Variants in NCAM2 observed in about 807,000 individuals in gnomAD.
NCAM2 encodes the protein neural cell adhesion molecule 2.
In NCAM2, 30 loss-of-function variants were observed where a neutral mutation model predicts 98.1. That is an observed-to-expected ratio of 0.31 (90% confidence interval 0.23 to 0.41). NCAM2 has a LOEUF of 0.41. Ranked by LOEUF, NCAM2 falls within the 10% of genes least tolerant of loss-of-function variation. The pLI, the probability that NCAM2 is intolerant of heterozygous loss-of-function variation, is 1.00. For missense variants in NCAM2, 867 were observed against 1,005.8 expected, an observed-to-expected ratio of 0.86 and a Z score of 1.87; for synonymous variants, 368 against 342.4, an observed-to-expected ratio of 1.07 and a Z score of -0.83.
At chr21:21,319,037 C>T (rs940033107) in intron 5 of NCAM2, among the ~76,000 whole-genome samples, 1 of 151,888 alleles carries the variant, frequency 6.6e-6, no homozygotes, top group Non-Finnish European at 1.5e-5. Context: ...CTGCTTGAGC[C>T]CAAGAGTTGG....
At chr21:21,514,062 A>G (rs1988557682) in intron 16 of NCAM2, among the ~76,000 whole-genome samples, 1 of 151,804 alleles carries the variant, frequency 6.6e-6, no homozygotes, top group African/African-American at 2.4e-5. Flanking sequence ...TGCTCTACAT[A>G]TATAACCTGG....
intron 1 of NCAM2, among the ~76,000 whole-genome samples, chr21:21,082,120 C>T (rs182619745): frequency 7.5e-4 from 110 of 146,612 alleles, no homozygotes; most frequent in Middle Eastern, 3.6e-3. Context: ...CCCAACTACT[C>T]GGGAGGCTGA....
intron 8 of NCAM2, among the ~76,000 whole-genome samples, chr21:21,371,051 AAT>A (rs2075903667): frequency 6.6e-6 from 1 of 151,848 alleles, no homozygotes; most frequent in African/African-American, 2.4e-5. Context: ...TGCTGGGTGA[AAT>A]GGTAATTATA....
At chr21:21,123,810 A>G (rs2066726560) in intron 1 of NCAM2, among the ~76,000 whole-genome samples, 1 of 150,044 alleles carries the variant, frequency 6.7e-6, no homozygotes, top group South Asian at 2.1e-4. Flanking sequence ...AAGTGGAGGT[A>G]CAGAAAAATA....
intron 1 of NCAM2, among the ~76,000 whole-genome samples, chr21:21,053,056 A>T (rs2146301244): frequency 6.6e-6 from 1 of 152,224 alleles, no homozygotes; most frequent in African/African-American, 2.4e-5. Context: ...CTTATTGAAT[A>T]GTTGAAAAAA....
chr21:21,452,041 T>A (rs1348913476), intron 12 of NCAM2, among the ~76,000 whole-genome samples: 1 of 152,050 alleles, frequency 6.6e-6, no homozygotes, highest in African/African-American at 2.4e-5. Context: ...ATGCTCAGAT[T>A]CTGAATAGCT....
chr21:21,196,115 A>G (rs2068995696), intron 1 of NCAM2, among the ~76,000 whole-genome samples: 1 of 152,184 alleles, frequency 6.6e-6, no homozygotes, highest in African/African-American at 2.4e-5. Context: ...TTAAGGTCCT[A>G]TGGCGTGGTG....
chr21:21,535,900 C>A (rs143234953), intron 17 of NCAM2, among the ~76,000 whole-genome samples: 36 of 152,116 alleles, frequency 2.4e-4, no homozygotes, highest in African/African-American at 8.7e-4. Flanking sequence ...AAATTCTATA[C>A]CCAGAAACAA....
intron 1 of NCAM2, among the ~76,000 whole-genome samples, chr21:21,252,966 C>G (rs2071528372): frequency 6.6e-6 from 1 of 152,112 alleles, no homozygotes; most frequent in South Asian, 2.1e-4. Context: ...TCAAATCTCC[C>G]AGCACTAAAA....
intron 1 of NCAM2, among the ~76,000 whole-genome samples, chr21:21,172,699 G>A (rs1231939152): frequency 6.6e-6 from 1 of 152,066 alleles, no homozygotes; most frequent in Non-Finnish European, 1.5e-5. Context: ...TAGAGCTGCA[G>A]GCGATTCATT....
intron 16 of NCAM2, among the ~76,000 whole-genome samples, chr21:21,533,639 C>CGTT (rs1162058392): frequency 7.5e-6 from 1 of 133,202 alleles, no homozygotes; most frequent in Non-Finnish European, 1.6e-5. Context: ...AGTCCCCAAC[C>CGTT]CTTCTTTAGT....
chr21:21,383,037 G>T (rs2076193035), intron 9 of NCAM2, among the ~76,000 whole-genome samples: 1 of 151,912 alleles, frequency 6.6e-6, no homozygotes. Flanking sequence ...TAACATCTAG[G>T]TCATTTTAGT....
At chr21:21,465,348 AG>A (rs1354940479) in intron 12 of NCAM2, among the ~76,000 whole-genome samples, 1 of 151,958 alleles carries the variant, frequency 6.6e-6, no homozygotes, top group Non-Finnish European at 1.5e-5. Context: ...TGGGAGGCTG[AG>A]GTGGGCAGTT....
intron 6 of NCAM2, among the ~76,000 whole-genome samples, chr21:21,326,692 T>A (rs1273039221): frequency 6.6e-6 from 1 of 152,176 alleles, no homozygotes; most frequent in Non-Finnish European, 1.5e-5. Flanking sequence ...TTTTTTCTTC[T>A]CCATATCTTC....
chr21:21,321,020 A>G (rs1467342755), intron 5 of NCAM2, among the ~76,000 whole-genome samples: 1 of 152,188 alleles, frequency 6.6e-6, no homozygotes, highest in Non-Finnish European at 1.5e-5. Context: ...GCAGACTGAG[A>G]ATATAAATAG....
chr21:21,340,977 T>A (rs2075015561), intron 8 of NCAM2, among the ~76,000 whole-genome samples: 1 of 152,082 alleles, frequency 6.6e-6, no homozygotes. Context: ...ATATCAATGT[T>A]TATCATATTA....
intron 1 of NCAM2, among the ~76,000 whole-genome samples, chr21:21,167,471 T>C (rs1309728377): frequency 6.6e-6 from 1 of 151,992 alleles, no homozygotes; most frequent in East Asian, 1.9e-4. Flanking sequence ...AAAGTAAGCA[T>C]AATAAAACAA....
intron 1 of NCAM2, among the ~76,000 whole-genome samples, chr21:21,177,201 C>G (rs1601575196): frequency 6.7e-6 from 1 of 148,286 alleles, no homozygotes; most frequent in Non-Finnish European, 1.5e-5. Flanking sequence ...GTGTGTAGAT[C>G]CTATGTTTAC....
At chr21:21,088,314 A>G (rs1232447501) in intron 1 of NCAM2, among the ~76,000 whole-genome samples, 3 of 152,238 alleles carry the variant, frequency 2.0e-5, no homozygotes, top group African/African-American at 7.2e-5. Context: ...ATTGTAATTC[A>G]TATATTAATA....
Sources: gnomAD v4.1 joint callset for allele counts (sites outside exome capture counted in the v4.1 genomes callset) on GRCh38, gnomAD v4.1.1 for gene constraint, MANE v1.5 for transcripts, NCBI Gene and HGNC (gene_info 2026-07-23, HGNC 2026-07-21) for gene names.